The following AASDHPPT variants were observed in gnomAD, a reference collection of about 807,000 sequenced individuals.
AASDHPPT encodes L-aminoadipate-semialdehyde dehydrogenase-phosphopantetheinyl transferase.
A neutral mutation model predicts 36.4 loss-of-function variants in AASDHPPT; 23 were observed. The ratio of observed to expected loss-of-function variants is 0.63; its 90% CI spans 0.45 to 0.89. The LOEUF (loss-of-function observed/expected upper bound fraction) is 0.89, where lower values mean the gene tolerates loss of function less well. Among genes scored for constraint, AASDHPPT ranks in the 40% least tolerant of loss-of-function variants. The pLI is 0.00. For missense variants in AASDHPPT, 377 were observed against 378.2 expected, an observed-to-expected ratio of 1.00 and a Z score of 0.03; for synonymous variants, 115 against 128.0, an observed-to-expected ratio of 0.90 and a Z score of 0.68.
rs554079963 is a variant in AASDHPPT at position 106,088,227 on chromosome 11, A to G, written c.410-2330A>G. 3.9e-5 allele frequency among the ~76,000 whole-genome samples: 6 copies of G among 152,184 alleles called. No individual in the cohort carries two copies. The South Asian group carries it at 6.2e-4, about 16-fold the overall frequency. ...GCCAGATTGATTGCCTTTTATGTTA[A>G]TCAGTTTTTTAATAGCATGCTTATT... On this transcript the variant is annotated intron_variant, in intron 2 of 5. Transcript: ENST00000278618.
At chr11:106,091,198 A>G in intron 3 of AASDHPPT, 118 bp from the exon 4 acceptor site, 2 of 821,272 alleles carry the variant, frequency 2.4e-6, no homozygotes, top group Non-Finnish European at 3.7e-6. Flanking sequence ...TAAAAAGGTT[A>G]TAGCTATATA....
At position 106,090,652 on chromosome 11, in the gene AASDHPPT, C is replaced by T; in HGVS notation, c.505C>T (p.Gln169Ter). 1 of 1,592,786 alleles carries T rather than the reference C, an allele frequency of 6.3e-7. No homozygotes were observed. Among genetic ancestry groups the T allele is most frequent in the Admixed American group, 1.8e-5 (1 of 55,586 alleles). Residue 169 changes from glutamine to a stop codon, truncating the protein, a stop_gained, in exon 3 of 6, where the codon CAG (glutamine) becomes TAG (stop). Coordinates refer to ENST00000278618, the MANE Select transcript of AASDHPPT (RefSeq NM_015423.3). LOFTEE classifies it high-confidence loss of function. ...CAGAAGCTTTAAGGATGAGTGGACTCAGCTGGATATGTTTTATAGGAATTG... is the reference window on the plus strand; with the variant it reads ...CAGAAGCTTTAAGGATGAGTGGACTTAGCTGGATATGTTTTATAGGAATTG... ...TIRSFKDEWT[Q>*]LDMFYRNWAL... is the part of the protein sequence containing the mutation.
intron 5 of AASDHPPT, among the ~76,000 whole-genome samples, chr11:106,095,484 C>T (rs372071438): frequency 1.3e-5 from 2 of 152,188 alleles, no homozygotes; most frequent in African/African-American, 4.8e-5. Context: ...CTTTCTTATC[C>T]TATTACCTGG....
intron 2 of AASDHPPT, among the ~76,000 whole-genome samples, chr11:106,080,056 T>C (rs1861119279): frequency 6.6e-6 from 1 of 152,206 alleles, no homozygotes; most frequent in Admixed American, 6.5e-5. Flanking sequence ...TAAAGTACAT[T>C]GTAGTCCTTA....
In AASDHPPT at chr11:106,098,340, A is replaced by T. The variant is rs1038192275; in HGVS notation, c.*1433A>T. 3 of 152,136 alleles carry T rather than the reference A, an allele frequency of 2.0e-5. No individual in the cohort carries two copies. The highest frequency in any genetic ancestry group is 7.2e-5 in the African/African-American group (3 of 41,452). 9.4% of individuals were successfully genotyped at this position (152,136 alleles called of 1,614,324 possible). A position where few individuals can be genotyped will look rare whatever the true frequency, so the allele number is the denominator to read the frequency against. On this transcript the variant is annotated 3_prime_UTR_variant, in exon 6 of 6. Transcript: ENST00000278618. ...TTAATTTAAAGTGTGAACTTAATAT[A>T]TAAGATGCCAGGACCATCATATTGA...
At chr11:106,094,097 A>C (rs1861285851) in intron 4 of AASDHPPT, 1 of 152,170 alleles carries the variant, frequency 6.6e-6, no homozygotes, top group African/African-American at 2.4e-5. Context: ...ATATTTTATT[A>C]ATAAAAAGCA....
chr11:106,098,226 T>G lies in AASDHPPT; in HGVS notation c.*1319T>G, dbSNP rs1861338654. On this transcript the variant is annotated 3_prime_UTR_variant, in exon 6 of 6. Transcript: ENST00000278618. ...TCTTTCATTACAAATAAGATTGTTA[T>G]GTCAGTATTGTTATTGGCTTTTCGT... 1 of 152,166 alleles carries G rather than the reference T, an allele frequency of 6.6e-6. No homozygotes were observed. The highest frequency in any genetic ancestry group is 6.6e-5 in the Admixed American group (1 of 15,258). The allele number at this position is 152,166 out of a possible 1,614,324, so 9.4% of individuals were successfully genotyped here. A position where few individuals can be genotyped will look rare whatever the true frequency, so the allele number is the denominator to read the frequency against.
chr11:106,089,816 C>G (rs1482468976), intron 2 of AASDHPPT, among the ~76,000 whole-genome samples: 1 of 151,830 alleles, frequency 6.6e-6, no homozygotes, highest in Non-Finnish European at 1.5e-5. Flanking sequence ...TATCTTTTGT[C>G]ATTTATTTTT....
chr11:106,088,548 T>C (rs930836185), intron 2 of AASDHPPT, among the ~76,000 whole-genome samples: 6 of 152,136 alleles, frequency 3.9e-5, no homozygotes, highest in African/African-American at 7.2e-5. Flanking sequence ...TTTGTAGATA[T>C]AGTGTTCCCA....
intron 5 of AASDHPPT, 151 bp from the exon 6 acceptor site, chr11:106,096,592 T>C (rs1430529115): frequency 5.6e-6 from 3 of 536,980 alleles, no homozygotes; most frequent in South Asian, 5.4e-5. Context: ...GCAACACTAA[T>C]ATAAGAAATA....
chr11:106,090,821 T>G, intron 3 of AASDHPPT, 143 bp downstream of exon 3: 1 of 1,168,632 alleles, frequency 8.6e-7, no homozygotes, highest in Non-Finnish European at 1.2e-6. Context: ...ATGGTTTTTA[T>G]GCATATGGTA....
intron 2 of AASDHPPT, chr11:106,086,042 A>G (rs1305925995): frequency 2.0e-5 from 3 of 152,250 alleles, no homozygotes; most frequent in Admixed American, 2.0e-4. Flanking sequence ...GGGACATAGA[A>G]TTAAAACTCC....
intron 2 of AASDHPPT, among the ~76,000 whole-genome samples, chr11:106,090,222 T>C (rs1332110149): frequency 6.6e-6 from 1 of 152,018 alleles, no homozygotes; most frequent in Non-Finnish European, 1.5e-5. Context: ...TATAACAGCT[T>C]TGGCTGCTAA....
chr11:106,077,699 C>G lies in AASDHPPT; in HGVS notation c.-12C>G, dbSNP rs200243845. 5 of 1,606,670 alleles carry G rather than the reference C, an allele frequency of 3.1e-6. No homozygotes were observed. In the African/African-American group the frequency reaches 6.7e-5, roughly 22 times the overall value. Reference sequence around the variant, plus strand: ...TCAGGCCCGAGATAGCGGCGAGGTCCGCTTTCAGTGTATGGTTTTCCCTGC... The same window carrying G: ...TCAGGCCCGAGATAGCGGCGAGGTCGGCTTTCAGTGTATGGTTTTCCCTGC... On this transcript the variant is annotated 5_prime_UTR_variant, in exon 1 of 6. Coordinates refer to ENST00000278618, the MANE Select transcript of AASDHPPT (RefSeq NM_015423.3).
chr11:106,092,832 T>C (rs1861268591), intron 4 of AASDHPPT: 1 of 152,200 alleles, frequency 6.6e-6, no homozygotes, highest in Non-Finnish European at 1.5e-5. Context: ...TGAGGCTTTG[T>C]GTTAGATGAT....
chr11:106,087,930 GTTC>G (rs1861212782), intron 2 of AASDHPPT, among the ~76,000 whole-genome samples: 1 of 152,148 alleles, frequency 6.6e-6, no homozygotes, highest in Non-Finnish European at 1.5e-5. Flanking sequence ...CAAATTCACT[GTTC>G]TTCCTACCGA....
chr11:106,085,052 G>T (rs1195202166), intron 2 of AASDHPPT, among the ~76,000 whole-genome samples: 1 of 152,120 alleles, frequency 6.6e-6, no homozygotes, highest in Non-Finnish European at 1.5e-5. Flanking sequence ...GATATTATCA[G>T]AAAGTCATTG....
Position 106,096,886 on chromosome 11 carries a change from A to G in AASDHPPT, c.909A>G (p.Ile303Met), listed in dbSNP as rs768327551. The change falls in exon 6 of 6, where the codon ATA (isoleucine) becomes ATG (methionine). Residue 303 changes from isoleucine (I) to methionine (M), a missense_variant. Ile to Met is a conservative substitution (Grantham distance 10). Coordinates refer to ENST00000278618, the MANE Select transcript of AASDHPPT (RefSeq NM_015423.3). Reference sequence around the variant, plus strand: ...TTTGCTTCACAGAAGAAATTCCAATACGAAATGGTACAAAGTCATGATGAT... The same window carrying G: ...TTTGCTTCACAGAAGAAATTCCAATGCGAAATGGTACAAAGTCATGATGAT... Reference protein sequence around the residue: ...DCFCFTEEIPIRNGTKS With the variant: ...DCFCFTEEIPMRNGTKS The G allele has an allele frequency of 1.9e-6, 3 of 1,609,762 alleles. No homozygotes were observed. The South Asian group carries it at 3.3e-5, about 18-fold the overall frequency.
At chr11:106,093,725 TTAAG>T (rs1047617222) in intron 4 of AASDHPPT, 1 of 152,162 alleles carries the variant, frequency 6.6e-6, no homozygotes, top group Admixed American at 6.5e-5. Flanking sequence ...TGTTCAGCTT[TTAAG>T]TGTTTACAAT....
Sources: gnomAD v4.1 joint callset for allele counts (sites outside exome capture counted in the v4.1 genomes callset) on GRCh38, gnomAD v4.1.1 for gene constraint, MANE v1.5 for transcripts, NCBI Gene and HGNC (gene_info 2026-07-23, HGNC 2026-07-21) for gene names.